CD163L1: variants seen among roughly 807,000 people sequenced by gnomAD.
CD163L1 encodes the protein CD163 molecule like 1, also known as scavenger receptor cysteine-rich type 1 protein M160.
In CD163L1, 124 loss-of-function variants were observed where a neutral mutation model predicts 165.4. The ratio of observed to expected loss-of-function variants is 0.75; its 90% CI spans 0.65 to 0.87. The LOEUF (loss-of-function observed/expected upper bound fraction) is 0.87. CD163L1 is among the 40% of genes least tolerant of loss of function. The pLI is 0.00. For synonymous variants in CD163L1, 585 were observed against 662.2 expected, an observed-to-expected ratio of 0.88 and a Z score of 1.79; for missense variants, 1,525 against 1,799.9, an observed-to-expected ratio of 0.85 and a Z score of 2.76.
rs775107765 is a variant in CD163L1 at position 7,433,016 on chromosome 12, T to C, written c.446-280A>G. 5.3e-5 allele frequency among the ~76,000 whole-genome samples: 8 copies of C among 152,312 alleles called. No individual in the cohort carries two copies. The South Asian group carries it at 1.2e-3, about 24-fold the overall frequency. ...ATTTTTCAGAAAATATTTGTTCTGT[T>C]AGTGTACCTGGTACATGAAAAAAGG... is the stretch of plus-strand genomic sequence containing the variant. On this transcript the variant is annotated intron_variant, in intron 3 of 19. Transcript: ENST00000313599.
At chr12:7,420,620 T>C (rs1052817386) in intron 4 of CD163L1, among the ~76,000 whole-genome samples, 2 of 151,858 alleles carry the variant, frequency 1.3e-5, no homozygotes, top group African/African-American at 4.8e-5. Flanking sequence ...TCAACATCAC[T>C]CATGATCAGA....
chr12:7,365,635 T>C (rs1428611834), intron 18 of CD163L1, among the ~76,000 whole-genome samples: 2 of 152,068 alleles, frequency 1.3e-5, no homozygotes, highest in African/African-American at 4.8e-5. Context: ...AAAGAAGACA[T>C]ACAAATGGCC....
intron 1 of CD163L1, among the ~76,000 whole-genome samples, chr12:7,443,252 A>G (rs1948852654): frequency 6.6e-6 from 1 of 152,238 alleles, no homozygotes; most frequent in South Asian, 2.1e-4. Context: ...GTTACAAAAT[A>G]TTAAGTTGAC....
At chr12:7,401,639 T>C (rs924237321) in intron 6 of CD163L1, among the ~76,000 whole-genome samples, 5 of 152,094 alleles carry the variant, frequency 3.3e-5, no homozygotes, top group Non-Finnish European at 5.9e-5. Context: ...TTATGCAATA[T>C]AGTAAGTAGC....
chr12:7,350,957 TCAAA>T (rs1215642703), downstream of CD163L1, among the ~76,000 whole-genome samples: 1 of 152,146 alleles, frequency 6.6e-6, no homozygotes, highest in African/African-American at 2.4e-5. Context: ...AGTACAATTA[TCAAA>T]CAAAAATATA....
the CD163L1 span, among the ~76,000 whole-genome samples, chr12:7,329,853 C>T: frequency 6.6e-6 from 1 of 152,076 alleles, no homozygotes; most frequent in Non-Finnish European, 1.5e-5. Context: ...TTACCAAATA[C>T]AAATAAATAT....
intron 8 of CD163L1, among the ~76,000 whole-genome samples, chr12:7,394,341 G>A (rs775175216): frequency 2.0e-5 from 3 of 152,238 alleles, no homozygotes; most frequent in African/African-American, 7.2e-5. Flanking sequence ...AAGAAATGGG[G>A]AAAGGATTCC....
chr12:7,319,275 C>T, the CD163L1 span, among the ~76,000 whole-genome samples: 71 of 152,144 alleles, frequency 4.7e-4, no homozygotes, highest in Admixed American at 1.8e-3. Context: ...TGACAGGAGG[C>T]GGAGCTCAGG....
chr12:7,319,365 G>C, the CD163L1 span, among the ~76,000 whole-genome samples: 2 of 152,060 alleles, frequency 1.3e-5, no homozygotes, highest in Non-Finnish European at 2.9e-5. Context: ...GCTGAAGCAG[G>C]TGGATCACGA....
rs1360743876 is a variant in CD163L1, at chr12:7,421,477, ATATG to A, written c.766+10935_766+10938del. On this transcript the variant is annotated intron_variant, in intron 4 of 19. Transcript: ENST00000313599. ...TGTACATATATACATATATATACAT[ATATG>A]TACATATATACATATATGTACATAT... Among the ~76,000 whole-genome samples the A allele has an allele frequency of 8.4e-5, 9 of 107,756 alleles. No homozygotes were observed. The South Asian group carries it at 8.7e-4, about 10-fold the overall frequency. The allele number at this position is 107,756 out of a possible 152,430, so 70.7% of individuals were successfully genotyped here.
intron 2 of CD163L1, among the ~76,000 whole-genome samples, chr12:7,434,658 A>G (rs768211467): frequency 6.6e-6 from 1 of 152,148 alleles, no homozygotes; most frequent in East Asian, 1.9e-4. Flanking sequence ...AGGAGGAAGA[A>G]AAAGATGAAA....
intron 4 of CD163L1, among the ~76,000 whole-genome samples, chr12:7,420,843 T>C (rs1948334041): frequency 6.6e-6 from 1 of 151,642 alleles, no homozygotes; most frequent in Non-Finnish European, 1.5e-5. Flanking sequence ...ATCCCACTAC[T>C]GGGTCTCTAC....
chr12:7,413,091 C>CAA (rs111943372), intron 4 of CD163L1, among the ~76,000 whole-genome samples: 7,382 of 37,926 alleles, frequency 0.19, 1,063 homozygotes, highest in African/African-American at 0.34. Context: ...GACTCCATCT[C>CAA]AAAAAAAAAA....
chr12:7,383,427 G>A (rs776294070), intron 8 of CD163L1, among the ~76,000 whole-genome samples: 2 of 152,204 alleles, frequency 1.3e-5, no homozygotes, highest in African/African-American at 2.4e-5. Flanking sequence ...GTTACCTAGG[G>A]GCCTGAGAAC....
At chr12:7,380,406 T>C (rs1249445295) in intron 8 of CD163L1, among the ~76,000 whole-genome samples, 2 of 150,104 alleles carry the variant, frequency 1.3e-5, no homozygotes, top group African/African-American at 4.9e-5. Context: ...TACACACATG[T>C]ATGTGTGTAT....
intron 2 of CD163L1, among the ~76,000 whole-genome samples, chr12:7,438,110 G>C (rs1246783745): frequency 2.0e-5 from 3 of 151,992 alleles, no homozygotes; most frequent in Non-Finnish European, 4.4e-5. Flanking sequence ...CATTTTCTAA[G>C]TTGTTCTATT....
At chr12:7,334,045 G>A in the CD163L1 span, among the ~76,000 whole-genome samples, 9 of 151,346 alleles carry the variant, frequency 5.9e-5, no homozygotes, top group East Asian at 3.9e-4. Context: ...ATTCACAGCC[G>A]AATTCTACCA....
In CD163L1 at chr12:7,373,547, C is replaced by T. The variant is rs1565778820; in HGVS notation, c.3503G>A (p.Gly1168Asp). The change falls in exon 14 of 20, where the codon GGC becomes GAC. Residue 1168 changes from glycine to aspartate, a missense_variant. Gly to Asp is a moderately conservative substitution (Grantham distance 94). Coordinates refer to ENST00000313599, the MANE Select transcript of CD163L1 (RefSeq NM_174941.6). ...VFYNGTWGSV[G>D]RRNITTAIAG... is the part of the protein sequence containing the mutation. ...TATGGCTGTGGTGATGTTCCTCCTG[C>T]CGACGCTGCCCCAGGTCCCGTTATA... is the stretch of plus-strand genomic sequence containing the variant. 6.2e-7 allele frequency: 1 copy of T among 1,614,114 alleles called. No individual in the cohort carries two copies. The highest frequency in any genetic ancestry group is 8.5e-7 in the Non-Finnish European group (1 of 1,180,046).
rs779994446 is a variant in CD163L1 at position 7,355,183 on chromosome 12, C to T, written c.*25-53G>A. 3 of 152,204 alleles carry T rather than the reference C, an allele frequency of 2.0e-5. No individual in the cohort carries two copies. In the South Asian group the frequency reaches 6.2e-4, roughly 32 times the overall value. 9.4% of individuals were successfully genotyped at this position (152,204 alleles called of 1,614,324 possible). A position where few individuals can be genotyped will look rare whatever the true frequency, so the allele number is the denominator to read the frequency against. On this transcript the variant is annotated intron_variant, in intron 19 of 19. Transcript: ENST00000313599. ...GTTACTATTCTTCTAAATAAGAATG[C>T]TAGCCTACATGAGGTTAAAGTTAAG... is the stretch of plus-strand genomic sequence containing the variant.
Sources: gnomAD v4.1 joint callset for allele counts (sites outside exome capture counted in the v4.1 genomes callset) on GRCh38, gnomAD v4.1.1 for gene constraint, MANE v1.5 for transcripts, NCBI Gene and HGNC (gene_info 2026-07-23, HGNC 2026-07-21) for gene names.